Variants in ZNF83 observed in about 807,000 individuals in gnomAD.
ZNF83 encodes the protein zinc finger protein 816B.
For missense variants in ZNF83, 552 were observed against 629.9 expected (o/e 0.88, Z 1.32); for synonymous variants, 209 against 213.0 (o/e 0.98, Z 0.17).
At chr19:52,614,063 G>A (rs143166499) in exon 3 of ZNF83, 61 of 1,613,014 alleles carry the variant, frequency 3.8e-5, no homozygotes, top group South Asian at 1.8e-4. Flanking sequence ...TGAATCCTGC[G>A]ATGCTGTGCA....
At chr19:52,682,343 C>T (rs2061935827) in intron 1 of ZNF83, among the ~76,000 whole-genome samples, 1 of 152,046 alleles carries the variant, frequency 6.6e-6, no homozygotes, top group African/African-American at 2.4e-5. Context: ...TATGATTGCA[C>T]CACTGCACTT....
At chr19:52,630,358 C>T (rs1196863032) in intron 2 of ZNF83, among the ~76,000 whole-genome samples, 2 of 152,150 alleles carry the variant, frequency 1.3e-5, no homozygotes, top group African/African-American at 4.8e-5. Flanking sequence ...GGAGGCTACC[C>T]ACTCCACATT....
chr19:52,681,911 A>C (rs530577846), intron 1 of ZNF83, among the ~76,000 whole-genome samples: 1 of 152,318 alleles, frequency 6.6e-6, no homozygotes, highest in Admixed American at 6.5e-5. Flanking sequence ...GCAGTGGCAC[A>C]ATCTCAGCTC....
chr19:52,645,931 ATTTT>A (rs1478104983), intron 3 of ZNF83, among the ~76,000 whole-genome samples: 1 of 151,886 alleles, frequency 6.6e-6, no homozygotes, highest in Non-Finnish European at 1.5e-5. Context: ...GATTTTGTTT[ATTTT>A]TTGTTTGTTT....
At chr19:52,625,244 G>T (rs773753329) in intron 2 of ZNF83, among the ~76,000 whole-genome samples, 6 of 152,002 alleles carry the variant, frequency 3.9e-5, no homozygotes, top group Non-Finnish European at 8.8e-5. Flanking sequence ...CTTGCAAAGG[G>T]ACTACACATC....
At chr19:52,614,039 G>A in exon 3 of ZNF83, 1 of 1,613,238 alleles carries the variant, frequency 6.2e-7, no homozygotes, top group South Asian at 1.1e-5. Context: ...CATTTATATG[G>A]TTTCTCTCCA....
At chr19:52,652,176 T>C (rs1286532758) in intron 3 of ZNF83, 3 of 225,426 alleles carry the variant, frequency 1.3e-5, no homozygotes, top group Non-Finnish European at 2.6e-5. Flanking sequence ...TGGTGGCTCA[T>C]GCCTGTAATA....
intron 1 of ZNF83, among the ~76,000 whole-genome samples, chr19:52,637,299 T>A (rs1012235576): frequency 1.3e-5 from 2 of 152,094 alleles, no homozygotes; most frequent in African/African-American, 4.8e-5. Context: ...GTCCCCAATA[T>A]GTGGAACCAC....
chr19:52,661,459 T>A (rs60637486), intron 1 of ZNF83, among the ~76,000 whole-genome samples: 2,449 of 152,266 alleles, frequency 0.016, 47 homozygotes, highest in African/African-American at 0.051. Context: ...GATCACAGAC[T>A]GACCTCAGTT....
chr19:52,671,395 T>C (rs1031064691), intron 1 of ZNF83, among the ~76,000 whole-genome samples: 2 of 152,210 alleles, frequency 1.3e-5, no homozygotes, highest in Admixed American at 6.5e-5. Context: ...AAATTCACTC[T>C]ATGTGCCTTC....
At chr19:52,684,593 T>C (rs1411253268) in intron 1 of ZNF83, among the ~76,000 whole-genome samples, 3 of 150,072 alleles carry the variant, frequency 2.0e-5, no homozygotes, top group Non-Finnish European at 1.5e-5. Context: ...GCTTCTGATA[T>C]GATTGATGCA....
At chr19:52,628,744 C>A (rs978197652) in intron 2 of ZNF83, among the ~76,000 whole-genome samples, 2 of 151,406 alleles carry the variant, frequency 1.3e-5, no homozygotes, top group African/African-American at 2.4e-5. Flanking sequence ...GAAACCCCAA[C>A]CCCTTCTCCT....
At chr19:52,674,071 C>T (rs974241481) in intron 1 of ZNF83, 1 of 149,238 alleles carries the variant, frequency 6.7e-6, no homozygotes, top group East Asian at 1.9e-4. Flanking sequence ...GAAAGCACCA[C>T]ACATTTGCAC....
intron 2 of ZNF83, among the ~76,000 whole-genome samples, chr19:52,657,330 A>C (rs2061519654): frequency 6.6e-6 from 1 of 152,104 alleles, no homozygotes; most frequent in South Asian, 2.1e-4. Context: ...AAAATTAGTG[A>C]AAAGGGGACA....
intron 1 of ZNF83, among the ~76,000 whole-genome samples, chr19:52,666,983 GTAGT>G (rs2061662990): frequency 6.6e-6 from 1 of 152,156 alleles, no homozygotes; most frequent in Non-Finnish European, 1.5e-5. Context: ...AAACTTTAAA[GTAGT>G]TACAGAATCA....
chr19:52,665,609 T>A (rs987546545), intron 1 of ZNF83, among the ~76,000 whole-genome samples: 1 of 152,210 alleles, frequency 6.6e-6, no homozygotes, highest in Non-Finnish European at 1.5e-5. Context: ...CAACCTTTTT[T>A]AATCACCTGC....
intron 1 of ZNF83, among the ~76,000 whole-genome samples, chr19:52,676,193 G>C (rs1476429686): frequency 1.3e-5 from 2 of 152,278 alleles, no homozygotes; most frequent in African/African-American, 4.8e-5. Flanking sequence ...GTGTTGGTTG[G>C]GCTGGTCTCC....
chr19:52,614,815 C>T lies in ZNF83; in HGVS notation c.-233-18G>A. On this transcript the variant is annotated intron_variant, in intron 2 of 2. Coordinates refer to ENST00000301096, the Ensembl canonical transcript of ZNF83. ...AAAAATACCTACAAGATATAAGGAT[C>T]CCACAGTTTCCAATTAATTACAGAT... is the stretch of plus-strand genomic sequence containing the variant. 1.6e-6 allele frequency: 2 copies of T among 1,265,958 alleles called. No homozygotes were observed. Among genetic ancestry groups the T allele is most frequent in the Non-Finnish European group, 2.0e-6 (2 of 998,236 alleles). 78.4% of individuals were successfully genotyped at this position (1,265,958 alleles called of 1,614,324 possible).
intron 1 of ZNF83, among the ~76,000 whole-genome samples, chr19:52,677,322 A>C (rs1299890724): frequency 3.4e-5 from 5 of 148,036 alleles, no homozygotes; most frequent in South Asian, 2.1e-4. Context: ...AAAAAAAAAA[A>C]AAAAAAAACA....
Sources: allele counts gnomAD v4.1 joint callset (sites outside exome capture counted in the v4.1 genomes callset), GRCh38; gene constraint gnomAD v4.1.1; transcripts MANE v1.5; gene names NCBI Gene and HGNC (gene_info 2026-07-23, HGNC 2026-07-21).